Variants in SLC22A23 observed in about 807,000 individuals in gnomAD.
SLC22A23 encodes the protein solute carrier family 22 member 23, also known as ion transporter protein.
Under a neutral mutation model 61.0 loss-of-function variants are expected in SLC22A23, and 26 were observed. The observed-to-expected ratio is 0.43, with a 90% CI of 0.31 to 0.59. SLC22A23 has a LOEUF of 0.59. Among genes scored for constraint, SLC22A23 ranks in the 20% least tolerant of loss-of-function variants. SLC22A23 has a pLI of 0.11. For missense variants in SLC22A23, 796 were observed against 934.7 expected (o/e 0.85, Z 1.94); for synonymous variants, 430 against 413.9 (o/e 1.04, Z -0.47).
At chr6:3,380,467 A>G (rs1561939486) in intron 3 of SLC22A23, among the ~76,000 whole-genome samples, 1 of 152,208 alleles carries the variant, frequency 6.6e-6, no homozygotes, top group Non-Finnish European at 1.5e-5. Flanking sequence ...CCAATGAATC[A>G]AACATTTATT....
rs1235535566 is a variant in SLC22A23, at chr6:3,269,326, CA to C, written c.*3728del. 6.6e-6 allele frequency: 1 copy of C among 152,306 alleles called. No individual in the cohort carries two copies. Among genetic ancestry groups the C allele is most frequent in the Non-Finnish European group, 1.5e-5 (1 of 68,052 alleles). 9.4% of individuals were successfully genotyped at this position (152,306 alleles called of 1,614,324 possible). ...TCGGGGCGAGTGAAGACACAGCTTACAGAGGCGTTCAAAGTAGTGACGCAGT... is the reference window on the plus strand; with the variant it reads ...TCGGGGCGAGTGAAGACACAGCTTACGAGGCGTTCAAAGTAGTGACGCAGT... On this transcript the variant is annotated 3_prime_UTR_variant, in exon 10 of 10. Coordinates refer to ENST00000406686, the MANE Select transcript of SLC22A23 (RefSeq NM_015482.2).
chr6:3,366,350 A>AAAAAAAAG (rs756582835), intron 3 of SLC22A23, among the ~76,000 whole-genome samples: 1 of 128,570 alleles, frequency 7.8e-6, no homozygotes, highest in Non-Finnish European at 1.7e-5. Context: ...AAAAAAAAAA[A>AAAAAAAAG]AAAAAAAGAA....
chr6:3,344,434 A>G (rs1764309599), intron 3 of SLC22A23, among the ~76,000 whole-genome samples: 1 of 152,144 alleles, frequency 6.6e-6, no homozygotes, highest in Admixed American at 6.5e-5. Context: ...CAGAAGCTCT[A>G]CTGGATCCCT....
At position 3,300,644 on chromosome 6, in the gene SLC22A23, T is replaced by C. The variant is rs191913990; in HGVS notation, c.1083-2426A>G. Among the ~76,000 whole-genome samples, 18 of 152,356 alleles carry C rather than the reference T, an allele frequency of 1.2e-4. No individual in the cohort carries two copies. In the East Asian group the frequency reaches 1.7e-3, roughly 15 times the overall value. ...TCATCCAGGGTAAGGTATTTTGTTG[T>C]AGCAGCAGGAACAGACTGTGAGAAG... On this transcript the variant is annotated intron_variant, in intron 4 of 9. Coordinates refer to ENST00000406686, the MANE Select transcript of SLC22A23 (RefSeq NM_015482.2).
At chr6:3,415,354 G>A (rs551684885) in intron 2 of SLC22A23, among the ~76,000 whole-genome samples, 115 of 152,264 alleles carry the variant, frequency 7.6e-4, no homozygotes, top group African/African-American at 2.5e-3. Flanking sequence ...CATTCAGCTC[G>A]CATGGGGGAA....
At chr6:3,421,749 T>C (rs1326901735) in intron 1 of SLC22A23, among the ~76,000 whole-genome samples, 2 of 151,936 alleles carry the variant, frequency 1.3e-5, no homozygotes, top group Non-Finnish European at 2.9e-5. Context: ...GTAGCGATGG[T>C]GGGGAGGCAA....
chr6:3,406,330 C>T (rs1768824247), intron 3 of SLC22A23, among the ~76,000 whole-genome samples: 1 of 152,186 alleles, frequency 6.6e-6, no homozygotes, highest in Non-Finnish European at 1.5e-5. Flanking sequence ...GCTATATTAC[C>T]TTGTCTGTGA....
At chr6:3,435,945 C>T (rs1771183207) in intron 1 of SLC22A23, among the ~76,000 whole-genome samples, 1 of 152,126 alleles carries the variant, frequency 6.6e-6, no homozygotes, top group Admixed American at 6.5e-5. Flanking sequence ...GGAGAGAGAA[C>T]TCAGGAGAAA....
intron 1 of SLC22A23, among the ~76,000 whole-genome samples, chr6:3,452,599 T>TAAAAAAA (rs570923626): frequency 2.5e-5 from 1 of 40,560 alleles, no homozygotes; most frequent in Non-Finnish European, 4.1e-5. Context: ...AGACGCTGTC[T>TAAAAAAA]AAAAAAAAAA....
intron 4 of SLC22A23, among the ~76,000 whole-genome samples, chr6:3,299,384 G>C (rs532542174): frequency 6.6e-6 from 1 of 152,172 alleles, no homozygotes; most frequent in Admixed American, 6.5e-5. Context: ...GAACCTGAAG[G>C]CTCACTGTCC....
intron 3 of SLC22A23, among the ~76,000 whole-genome samples, chr6:3,325,244 T>C (rs745753211): frequency 2.0e-4 from 30 of 151,166 alleles, no homozygotes; most frequent in Non-Finnish European, 3.5e-4. Context: ...GCTGGGTGTC[T>C]AGAGACCACA....
intron 1 of SLC22A23, among the ~76,000 whole-genome samples, chr6:3,447,893 C>CT (rs1771979959): frequency 2.2e-5 from 1 of 44,504 alleles, no homozygotes; most frequent in Admixed American, 1.7e-4. Flanking sequence ...TGGCCTCTCT[C>CT]TCTCTTTTTT....
rs1026256428 is a variant in SLC22A23, at chr6:3,401,775, G to GGGTGAGC, written c.913+8406_913+8412dup. Among the ~76,000 whole-genome samples, 12 of 152,298 alleles carry GGGTGAGC rather than the reference G, an allele frequency of 7.9e-5. No individual in the cohort carries two copies. In the South Asian group the frequency reaches 2.1e-3, roughly 26 times the overall value. The stretch of plus-strand genomic sequence containing the variant: ...TTTGTTGCTCAGCTACAGAGCCCCT[G>GGGTGAGC]GGTGAGCTCAGCTCTGGTAACCTTT... On this transcript the variant is annotated intron_variant, in intron 3 of 9. Coordinates refer to ENST00000406686, the MANE Select transcript of SLC22A23 (RefSeq NM_015482.2).
At chr6:3,303,842 C>T (rs181220119) in intron 4 of SLC22A23, among the ~76,000 whole-genome samples, 23 of 152,250 alleles carry the variant, frequency 1.5e-4, no homozygotes, top group East Asian at 1.3e-3. Context: ...ATCGAATGTT[C>T]CCAACACAAA....
In SLC22A23 at chr6:3,309,893, C is replaced by T. The variant is rs1581667339; in HGVS notation, c.1083-11675G>A. On this transcript the variant is annotated intron_variant, in intron 4 of 9. Transcript: ENST00000406686. The surrounding 1 kb of genome is among the most constrained non-coding windows in gnomAD (Gnocchi z 4.7). ...GGCCATGCTAATACCCTGCCTGGGG[C>T]TTCATGAATGGCAGAGGCAGGCCTG... Among the ~76,000 whole-genome samples the T allele has an allele frequency of 6.6e-6, 1 of 152,206 alleles. No individual in the cohort carries two copies. The highest frequency in any genetic ancestry group is 1.9e-4 in the East Asian group (1 of 5,202).
chr6:3,280,295 GGAGGC>G (rs971490276), intron 9 of SLC22A23, among the ~76,000 whole-genome samples: 4 of 152,048 alleles, frequency 2.6e-5, no homozygotes, highest in Non-Finnish European at 5.9e-5. Context: ...GGCCACACAG[GGAGGC>G]GGCCTCAGGA....
At chr6:3,420,058 C>T (rs1770012345) in intron 1 of SLC22A23, among the ~76,000 whole-genome samples, 1 of 152,128 alleles carries the variant, frequency 6.6e-6, no homozygotes, top group African/African-American at 2.4e-5. Context: ...GCACTAAAGT[C>T]ACAGCCTCAT....
chr6:3,397,609 CAT>C (rs1768097159), intron 3 of SLC22A23, among the ~76,000 whole-genome samples: 1 of 152,308 alleles, frequency 6.6e-6, no homozygotes, highest in South Asian at 2.1e-4. Context: ...TATAACTCAG[CAT>C]AGTTTCTGAA....
At chr6:3,340,112 A>T (rs60514348) in intron 3 of SLC22A23, among the ~76,000 whole-genome samples, 4,130 of 152,162 alleles carry the variant, frequency 0.027, 216 homozygotes, top group African/African-American at 0.095. Context: ...CGCTCCCACA[A>T]AAGCGGTATT....
Sources: gnomAD v4.1 joint callset for allele counts (sites outside exome capture counted in the v4.1 genomes callset) on GRCh38, gnomAD v4.1.1 for gene constraint, Gnocchi (gnomAD v3.1) non-coding constraint, MANE v1.5 for transcripts, NCBI Gene and HGNC (gene_info 2026-07-23, HGNC 2026-07-21) for gene names.